The following GUCY1A2 variants were observed in gnomAD, a reference collection of about 807,000 sequenced individuals.
GUCY1A2 encodes the protein guanylate cyclase soluble subunit alpha-2.
GUCY1A2 carries 27 observed loss-of-function variants against 63.5 expected under a neutral mutation model. That is an observed-to-expected ratio of 0.43 (90% confidence interval 0.31 to 0.59). The LOEUF is 0.59. GUCY1A2 is among the 20% of genes least tolerant of loss of function. GUCY1A2 has a pLI of 0.11. For missense variants in GUCY1A2, 768 were observed against 913.3 expected, an observed-to-expected ratio of 0.84 and a Z score of 2.05; for synonymous variants, 364 against 343.5, an observed-to-expected ratio of 1.06 and a Z score of -0.66.
intron 4 of GUCY1A2, among the ~76,000 whole-genome samples, chr11:106,875,096 T>C (rs1859732106): frequency 6.6e-6 from 1 of 152,196 alleles, no homozygotes; most frequent in Non-Finnish European, 1.5e-5. Context: ...ACCAGGTTTT[T>C]GTCCCCATTA....
chr11:106,761,985 C>A (rs564570037), intron 6 of GUCY1A2, among the ~76,000 whole-genome samples: 2 of 152,204 alleles, frequency 1.3e-5, no homozygotes, highest in East Asian at 1.9e-4. Flanking sequence ...CTAATCATAA[C>A]CTCATAATAG....
At chr11:106,691,984 A>G (rs532697645) in intron 7 of GUCY1A2, among the ~76,000 whole-genome samples, 2 of 152,256 alleles carry the variant, frequency 1.3e-5, no homozygotes, top group South Asian at 2.1e-4. Context: ...CATTTCACAC[A>G]GCATGCCTGT....
intron 3 of GUCY1A2, among the ~76,000 whole-genome samples, chr11:106,969,072 TA>T (rs1365049018): frequency 6.6e-6 from 1 of 152,186 alleles, no homozygotes; most frequent in African/African-American, 2.4e-5. Flanking sequence ...AATAAGAGAT[TA>T]ATATTTTTGC....
chr11:106,697,333 C>T (rs1336680657), intron 7 of GUCY1A2, among the ~76,000 whole-genome samples: 1 of 152,186 alleles, frequency 6.6e-6, no homozygotes, highest in Admixed American at 6.5e-5. Context: ...CAGTGTTTCA[C>T]ACAAAAGAGC....
chr11:106,826,872 T>G, intron 4 of GUCY1A2: 1 of 1,606,300 alleles, frequency 6.2e-7, no homozygotes, highest in Non-Finnish European at 8.5e-7. Context: ...GATCATCCAC[T>G]TTCAGGCCAC....
chr11:106,812,842 A>T (rs1270797146), intron 4 of GUCY1A2, among the ~76,000 whole-genome samples: 1 of 152,028 alleles, frequency 6.6e-6, no homozygotes, highest in African/African-American at 2.4e-5. Flanking sequence ...AACAATTCAT[A>T]GACGATAAGC....
chr11:106,872,851 T>A (rs1859699240), intron 4 of GUCY1A2, among the ~76,000 whole-genome samples: 1 of 152,168 alleles, frequency 6.6e-6, no homozygotes, highest in Admixed American at 6.5e-5. Context: ...GCAGATTTGT[T>A]ACATAGGTAT....
intron 4 of GUCY1A2, among the ~76,000 whole-genome samples, chr11:106,866,469 G>A (rs1859595447): frequency 6.6e-6 from 1 of 152,106 alleles, no homozygotes; most frequent in Non-Finnish European, 1.5e-5. Flanking sequence ...TAAATTGAAA[G>A]AGATTTGGAG....
At chr11:106,803,691 A>G (rs920504197) in intron 5 of GUCY1A2, among the ~76,000 whole-genome samples, 2 of 152,216 alleles carry the variant, frequency 1.3e-5, no homozygotes, top group African/African-American at 2.4e-5. Flanking sequence ...AAAACTATAA[A>G]GTGATAAAAT....
chr11:106,798,329 A>G (rs1864805860), intron 5 of GUCY1A2, among the ~76,000 whole-genome samples: 2 of 152,202 alleles, frequency 1.3e-5, no homozygotes, highest in African/African-American at 2.4e-5. Flanking sequence ...GAATTCTACC[A>G]GAGGTACAAG....
intron 5 of GUCY1A2, among the ~76,000 whole-genome samples, chr11:106,797,495 A>G (rs1339416806): frequency 6.6e-6 from 1 of 152,176 alleles, no homozygotes; most frequent in African/African-American, 2.4e-5. Context: ...TCAGCACCAC[A>G]TCGCAGTTAT....
intron 6 of GUCY1A2, among the ~76,000 whole-genome samples, chr11:106,738,226 T>G (rs1863625339): frequency 6.6e-6 from 1 of 152,180 alleles, no homozygotes; most frequent in African/African-American, 2.4e-5. Context: ...CTTAGCCCAC[T>G]TTTGATGGGT....
intron 4 of GUCY1A2, among the ~76,000 whole-genome samples, chr11:106,831,562 G>A (rs967511276): frequency 5.3e-5 from 8 of 152,196 alleles, no homozygotes; most frequent in Non-Finnish European, 8.8e-5. Context: ...TATACTGACT[G>A]AGTTATGACC....
intron 3 of GUCY1A2, among the ~76,000 whole-genome samples, chr11:106,969,075 T>C (rs1179309553): frequency 1.3e-5 from 2 of 152,230 alleles, no homozygotes; most frequent in Non-Finnish European, 2.9e-5. Context: ...AAGAGATTAA[T>C]ATTTTTGCTT....
At chr11:106,856,612 C>A (rs1859439686) in intron 4 of GUCY1A2, among the ~76,000 whole-genome samples, 1 of 152,018 alleles carries the variant, frequency 6.6e-6, no homozygotes, top group African/African-American at 2.4e-5. Flanking sequence ...TTTATTATTT[C>A]TTGAATATAA....
intron 4 of GUCY1A2, among the ~76,000 whole-genome samples, chr11:106,914,633 A>C (rs1394378565): frequency 6.6e-6 from 1 of 151,988 alleles, no homozygotes; most frequent in Non-Finnish European, 1.5e-5. Context: ...AATAATTACA[A>C]GGAAAATTAA....
rs1181772436 is a variant in GUCY1A2, at chr11:106,687,675, A to C, written c.2073T>G (p.Pro691=). 5 of 1,612,788 alleles carry C rather than the reference A, an allele frequency of 3.1e-6. No homozygotes were observed. Among genetic ancestry groups the C allele is most frequent in the Non-Finnish European group, 4.2e-6 (5 of 1,178,856 alleles). The change falls in exon 8 of 8, where the codon CCT becomes CCG. Residue 691 remains proline, a synonymous_variant. Coordinates refer to ENST00000526355, the MANE Select transcript of GUCY1A2 (RefSeq NM_000855.3). ...TTACCTCCAGGAAATAGCAGATCCC[A>C]GGAATTTCCTTTGGAAAGTTGTCTG... ...ELPDNFPKEI[P]GICYFLEVRT... is the part of the protein sequence containing the mutation.
chr11:106,679,619 T>C lies in GUCY1A2; in HGVS notation c.*7930A>G, dbSNP rs558910284. Reference sequence around the variant, plus strand: ...TAAGACAAAAGTATATTCTTCTCACTGAATGCTAGCTCAGCCAGGCATGTT... The same window carrying C: ...TAAGACAAAAGTATATTCTTCTCACCGAATGCTAGCTCAGCCAGGCATGTT... On this transcript the variant is annotated 3_prime_UTR_variant, in exon 8 of 8. Transcript: ENST00000526355. The C allele has an allele frequency of 1.0e-3, 214 of 211,434 alleles. No homozygotes were observed. The highest frequency in any genetic ancestry group is 4.6e-3 in the African/African-American group (204 of 44,174). The allele number at this position is 211,434 out of a possible 1,614,324, so 13.1% of individuals were successfully genotyped here. A position where few individuals can be genotyped will look rare whatever the true frequency, so the allele number is the denominator to read the frequency against.
chr11:106,983,744 C>T (rs1372264031), intron 2 of GUCY1A2, among the ~76,000 whole-genome samples: 7 of 152,156 alleles, frequency 4.6e-5, no homozygotes, highest in African/African-American at 1.7e-4. Context: ...TAAGCAAGCC[C>T]CATTTCAGAG....
Sources: allele counts gnomAD v4.1 joint callset (sites outside exome capture counted in the v4.1 genomes callset), GRCh38; gene constraint gnomAD v4.1.1; transcripts MANE v1.5; gene names NCBI Gene and HGNC (gene_info 2026-07-23, HGNC 2026-07-21).